GRIN2B: variants seen among roughly 807,000 people sequenced by gnomAD.
GRIN2B encodes glutamate receptor ionotropic, NMDA 2B.
In GRIN2B, 5 loss-of-function variants were observed where a neutral mutation model predicts 114.5. The ratio of observed to expected loss-of-function variants is 0.04; its 90% CI spans 0.02 to 0.09. The LOEUF is 0.09. GRIN2B is among the 10% of genes least tolerant of loss of function. The pLI, the probability that GRIN2B is intolerant of heterozygous loss-of-function variation, is 1.00. For missense variants in GRIN2B, 1,108 were observed against 1,943.5 expected, an observed-to-expected ratio of 0.57 and a Z score of 8.08; for synonymous variants, 787 against 745.1, an observed-to-expected ratio of 1.06 and a Z score of -0.92.
chr12:13,805,488 C>A (rs1864585290), intron 3 of GRIN2B, among the ~76,000 whole-genome samples: 1 of 152,110 alleles, frequency 6.6e-6, no homozygotes, highest in South Asian at 2.1e-4. Flanking sequence ...AAAGAAGATT[C>A]TTAAATCCCC....
intron 4 of GRIN2B, among the ~76,000 whole-genome samples, chr12:13,689,383 C>T (rs1255941721): frequency 6.6e-6 from 1 of 152,118 alleles, no homozygotes; most frequent in East Asian, 1.9e-4. Flanking sequence ...TATTAACTAG[C>T]CTTATTCCTT....
At chr12:13,757,454 T>C (rs996650487) in intron 3 of GRIN2B, among the ~76,000 whole-genome samples, 1 of 152,156 alleles carries the variant, frequency 6.6e-6, no homozygotes, top group Admixed American at 6.5e-5. Context: ...CATCCATCTT[T>C]GCAGGCACCC....
intron 2 of GRIN2B, among the ~76,000 whole-genome samples, chr12:13,932,197 G>T (rs556352635): frequency 6.6e-6 from 1 of 151,790 alleles, no homozygotes; most frequent in Non-Finnish European, 1.5e-5. Context: ...TACCAAACTC[G>T]CTCATGTCCT....
intron 3 of GRIN2B, among the ~76,000 whole-genome samples, chr12:13,784,230 A>C (rs1864181677): frequency 1.2e-4 from 1 of 8,510 alleles, no homozygotes; most frequent in Non-Finnish European, 3.4e-4. Context: ...CCTCAAAAAA[A>C]AAAAAAAAAA....
intron 4 of GRIN2B, among the ~76,000 whole-genome samples, chr12:13,697,584 G>A (rs948259322): frequency 1.3e-5 from 2 of 152,302 alleles, no homozygotes; most frequent in African/African-American, 4.8e-5. Context: ...CCTCAGCAAA[G>A]AGGCTCTACT....
chr12:13,676,953 C>A (rs1237599630), intron 4 of GRIN2B, among the ~76,000 whole-genome samples: 1 of 152,152 alleles, frequency 6.6e-6, no homozygotes, highest in Non-Finnish European at 1.5e-5. Context: ...TAGAGTCAGA[C>A]CAATGAAACT....
chr12:13,899,830 T>G (rs1281059764), intron 2 of GRIN2B, among the ~76,000 whole-genome samples: 1 of 106,336 alleles, frequency 9.4e-6, no homozygotes, highest in Non-Finnish European at 2.7e-5. Context: ...GAAGACAGTA[T>G]ATGTACAAAT....
chr12:13,955,936 A>G (rs545221474), intron 2 of GRIN2B, among the ~76,000 whole-genome samples: 7 of 152,278 alleles, frequency 4.6e-5, no homozygotes, highest in African/African-American at 1.4e-4. Context: ...ATAACTTGCA[A>G]ATAAGACAAG....
At chr12:13,677,638 T>C (rs1193023760) in intron 4 of GRIN2B, among the ~76,000 whole-genome samples, 1 of 152,078 alleles carries the variant, frequency 6.6e-6, no homozygotes, top group African/African-American at 2.4e-5. Context: ...TCTTCTTAGC[T>C]CTTCTTGAAT....
At chr12:13,720,403 T>C (rs1296398758) in intron 4 of GRIN2B, among the ~76,000 whole-genome samples, 1 of 152,016 alleles carries the variant, frequency 6.6e-6, no homozygotes, top group South Asian at 2.1e-4. Flanking sequence ...CTGGCTAGGG[T>C]CAAACGTCAT....
chr12:13,930,003 G>A (rs141426703), intron 2 of GRIN2B, among the ~76,000 whole-genome samples: 2,638 of 152,012 alleles, frequency 0.017, 44 homozygotes, highest in Non-Finnish European at 0.023. Flanking sequence ...GGCCAAAATG[G>A]TGAAACCCCA....
intron 2 of GRIN2B, among the ~76,000 whole-genome samples, chr12:13,899,194 C>T (rs1361287325): frequency 1.3e-5 from 2 of 152,020 alleles, no homozygotes; most frequent in African/African-American, 4.8e-5. Context: ...ATTAAATTAA[C>T]ATAGGAGACT....
chr12:13,945,987 A>C (rs1028061111), intron 2 of GRIN2B, among the ~76,000 whole-genome samples: 5 of 152,216 alleles, frequency 3.3e-5, no homozygotes, highest in African/African-American at 1.2e-4. Context: ...TGGGAACAGA[A>C]GTAGCAGCTC....
In GRIN2B at chr12:13,569,933, G is replaced by A; in HGVS notation, c.2256C>T (p.Gly752=). ...RDEGCKLVTI[G]SGKVFASTGY... is the part of the protein sequence containing the mutation. ...CAGTGGAAGCAAAGACCTTCCCACTGCCAATGGTCACCAGCTTGCAGCCTT... is the reference window on the plus strand; with the variant it reads ...CAGTGGAAGCAAAGACCTTCCCACTACCAATGGTCACCAGCTTGCAGCCTT... Residue 752 remains glycine (G), a synonymous_variant, in exon 12 of 14, where the codon GGC becomes GGT. Coordinates refer to ENST00000609686, the MANE Select transcript of GRIN2B (RefSeq NM_000834.5). 1 of 1,612,438 alleles carries A rather than the reference G, an allele frequency of 6.2e-7. No individual in the cohort carries two copies. The highest frequency in any genetic ancestry group is 8.5e-7 in the Non-Finnish European group (1 of 1,178,486).
In GRIN2B at chr12:13,552,500, T is replaced by C. The variant is rs1214711190; in HGVS notation, c.*10283A>G. ...CATATCCTCCCTTTCCTTTTATGGGTATTTGTAGGCAAAATAATTGACATG... is the reference window on the plus strand; with the variant it reads ...CATATCCTCCCTTTCCTTTTATGGGCATTTGTAGGCAAAATAATTGACATG... On this transcript the variant is annotated 3_prime_UTR_variant, in exon 14 of 14. Transcript: ENST00000609686. 1 of 152,110 alleles carries C rather than the reference T, an allele frequency of 6.6e-6. No individual in the cohort carries two copies. The highest frequency in any genetic ancestry group is 1.5e-5 in the Non-Finnish European group (1 of 68,006). 9.4% of individuals were successfully genotyped at this position (152,110 alleles called of 1,614,324 possible). A position where few individuals can be genotyped will look rare whatever the true frequency, so the allele number is the denominator to read the frequency against.
At position 13,547,273 on chromosome 12, in the gene GRIN2B, T is replaced by C. The variant is rs1283012403; in HGVS notation, c.*15510A>G. The C allele has an allele frequency of 1.3e-5, 2 of 152,156 alleles. 1 individual carries two copies. Among genetic ancestry groups the C allele is most frequent in the Middle Eastern group, 6.3e-3 (2 of 318 alleles). 9.4% of individuals were successfully genotyped at this position (152,156 alleles called of 1,614,324 possible). A position where few individuals can be genotyped will look rare whatever the true frequency, so the allele number is the denominator to read the frequency against. On this transcript the variant is annotated 3_prime_UTR_variant, in exon 14 of 14. Transcript: ENST00000609686. ...GTTGTTCTCAACGATAAAACCCACT[T>C]TGCAGTGGCTAAAAATATAAGTATT...
chr12:13,835,831 C>G (rs928786609), intron 3 of GRIN2B, among the ~76,000 whole-genome samples: 7 of 132,228 alleles, frequency 5.3e-5, no homozygotes, highest in African/African-American at 2.0e-4. Flanking sequence ...TTTGGAGAAA[C>G]AGGCCACATT....
At chr12:13,754,863 G>A (rs116301868) in intron 3 of GRIN2B, among the ~76,000 whole-genome samples, 3,702 of 152,150 alleles carry the variant, frequency 0.024, 150 homozygotes, top group African/African-American at 0.084. Context: ...CCTTTCCAGG[G>A]AGAAGCCATT....
chr12:13,691,225 T>C (rs1426112751), intron 4 of GRIN2B, among the ~76,000 whole-genome samples: 1 of 152,178 alleles, frequency 6.6e-6, no homozygotes, highest in Admixed American at 6.6e-5. Flanking sequence ...GGCCCAACTC[T>C]TAATAACCCA....
Sources: gnomAD v4.1 joint callset for allele counts (sites outside exome capture counted in the v4.1 genomes callset) on GRCh38, gnomAD v4.1.1 for gene constraint, MANE v1.5 for transcripts, NCBI Gene and HGNC (gene_info 2026-07-23, HGNC 2026-07-21) for gene names.